The following RPE variants were observed in gnomAD, a reference collection of about 807,000 sequenced individuals.
The protein encoded by RPE is ribulose-phosphate 3-epimerase.
A neutral mutation model predicts 24.6 loss-of-function variants in RPE; 16 were observed. The observed-to-expected ratio is 0.65, with a 90% CI of 0.44 to 0.99. The LOEUF (loss-of-function observed/expected upper bound fraction) is 0.99. RPE is among the 50% of genes least tolerant of loss of function. RPE has a pLI of 0.00. For synonymous variants in RPE, 93 were observed against 98.4 expected (o/e 0.94, Z 0.33); for missense variants, 240 against 294.5 (o/e 0.81, Z 1.35).
At chr2:210,012,734 T>G (rs1028172521) in intron 2 of RPE, among the ~76,000 whole-genome samples, 2 of 152,248 alleles carry the variant, frequency 1.3e-5, no homozygotes, top group Admixed American at 6.5e-5. Context: ...GAAAGATACC[T>G]TGTCAGTTTT....
intron 1 of RPE, among the ~76,000 whole-genome samples, chr2:210,006,144 A>G (rs1326706846): frequency 1.3e-5 from 2 of 152,242 alleles, no homozygotes; most frequent in Admixed American, 1.3e-4. Flanking sequence ...GCAGAATAAG[A>G]TAATGATGAA....
intron 3 of RPE, 39 bp from the exon 4 acceptor site, chr2:210,016,468 A>C: frequency 6.2e-7 from 1 of 1,613,712 alleles, no homozygotes; most frequent in African/African-American, 1.3e-5. Flanking sequence ...ATACAGAAGT[A>C]ATTGTAAATG....
rs1031345404 is a variant in RPE, at chr2:210,003,368, A to G, written c.122+585A>G. 3.2e-5 allele frequency: 30 copies of G among 929,616 alleles called. No homozygotes were observed. The East Asian group carries it at 5.5e-4, about 17-fold the overall frequency. 57.6% of individuals were successfully genotyped at this position (929,616 alleles called of 1,614,324 possible). A position where few individuals can be genotyped will look rare whatever the true frequency, so the allele number is the denominator to read the frequency against. On this transcript the variant is annotated intron_variant, in intron 1 of 5. Transcript: ENST00000359429. ...GAGAAGTTTACAGTGCCTGGCGTAT[A>G]TTAAGTTCTCTATAATTGTTAATTA...
At chr2:210,016,217 C>G (rs1222154648) in intron 3 of RPE, 105 bp downstream of exon 3, 3 of 1,613,896 alleles carry the variant, frequency 1.9e-6, no homozygotes. Context: ...TGCTCTGTCA[C>G]CCAGGCTGAA....
chr2:210,011,831 ATTTT>A (rs56083964), intron 2 of RPE, among the ~76,000 whole-genome samples: 28 of 106,690 alleles, frequency 2.6e-4, no homozygotes, highest in Admixed American at 6.0e-4. Flanking sequence ...ACAACCGGCT[ATTTT>A]TTTTTTTTTT....
At chr2:210,010,846 A>C (rs1428272173) in intron 2 of RPE, among the ~76,000 whole-genome samples, 2 of 152,132 alleles carry the variant, frequency 1.3e-5, no homozygotes, top group Non-Finnish European at 2.9e-5. Flanking sequence ...TGAACCTGGG[A>C]GGTGGAGATT....
At chr2:210,012,183 T>C (rs150255975) in intron 2 of RPE, among the ~76,000 whole-genome samples, 41 of 152,348 alleles carry the variant, frequency 2.7e-4, no homozygotes, top group African/African-American at 9.9e-4. Flanking sequence ...GTTCCTGTTA[T>C]TGTCTAAATC....
At chr2:210,002,809 C>T (rs2093578535) in intron 1 of RPE, 26 bp downstream of exon 1, 1 of 1,614,126 alleles carries the variant, frequency 6.2e-7, no homozygotes, top group East Asian at 2.2e-5. Context: ...TCCGGTCGGG[C>T]TTGCCGCGCG....
Position 210,021,580 on chromosome 2 carries a change from T to C in RPE, c.*1789T>C, listed in dbSNP as rs1296130189. ...TACAGTAAAACTACAAGCAAAAGTT[T>C]GTCAGTATTGAATTGAATTTTTTAC... On this transcript the variant is annotated 3_prime_UTR_variant, in exon 6 of 6. Coordinates refer to ENST00000359429, the MANE Select transcript of RPE (RefSeq NM_199229.3). The C allele has an allele frequency of 6.6e-6, 1 of 152,568 alleles. No individual in the cohort carries two copies. Among genetic ancestry groups the C allele is most frequent in the Non-Finnish European group, 1.5e-5 (1 of 67,962 alleles). 9.5% of individuals were successfully genotyped at this position (152,568 alleles called of 1,614,324 possible).
intron 1 of RPE, among the ~76,000 whole-genome samples, chr2:210,007,240 A>G (rs993639555): frequency 6.6e-6 from 1 of 152,184 alleles, no homozygotes; most frequent in Non-Finnish European, 1.5e-5. Context: ...TTTGGTTTTT[A>G]TTAGCACTCA....
In RPE at chr2:210,009,656, G is replaced by A. The variant is rs2093675524; in HGVS notation, c.123-1G>A. Reference sequence around the variant, plus strand: ...CAGAGTAGATTTTGTTTGTCTTGTAGGCATTTTGTTCCCAACATCACCTTT... The same window carrying A: ...CAGAGTAGATTTTGTTTGTCTTGTAAGCATTTTGTTCCCAACATCACCTTT... On this transcript the variant is annotated splice_acceptor_variant, in intron 1 of 5. Coordinates refer to ENST00000359429, the MANE Select transcript of RPE (RefSeq NM_199229.3). LOFTEE classifies it high-confidence loss of function. The A allele has an allele frequency of 1.9e-6, 3 of 1,614,006 alleles. No individual in the cohort carries two copies. The East Asian group carries it at 6.7e-5, about 36-fold the overall frequency.
intron 5 of RPE, chr2:210,018,323 A>G: frequency 4.2e-6 from 6 of 1,429,836 alleles, no homozygotes; most frequent in Non-Finnish European, 5.5e-6. Context: ...AGAACTTGCT[A>G]GAACCATTTT....
At chr2:210,008,597 T>A (rs137876465) in intron 1 of RPE, among the ~76,000 whole-genome samples, 1 of 2,112 alleles carries the variant, frequency 4.7e-4, no homozygotes, top group Non-Finnish European at 0.5. Context: ...CCGGCCCCGG[T>A]TTTGTTAAAG....
At chr2:210,014,801 G>T (rs565835089) in intron 2 of RPE, among the ~76,000 whole-genome samples, 2 of 149,428 alleles carry the variant, frequency 1.3e-5, no homozygotes, top group African/African-American at 4.9e-5. Context: ...AATATAGCTT[G>T]GCTGTTTCAG....
At chr2:210,003,106 G>A (rs563105267) in intron 1 of RPE, among the ~76,000 whole-genome samples, 1 of 152,174 alleles carries the variant, frequency 6.6e-6, no homozygotes, top group Non-Finnish European at 1.5e-5. Context: ...TGAGGCCCAA[G>A]GGGAGAAGCA....
At chr2:210,009,589 T>A in intron 1 of RPE, 68 bp from the exon 2 acceptor site, 1 of 1,584,094 alleles carries the variant, frequency 6.3e-7, no homozygotes, top group Non-Finnish European at 8.7e-7. Context: ...TGTGTCAGAA[T>A]TCATATTGAG....
intron 1 of RPE, among the ~76,000 whole-genome samples, chr2:210,007,336 A>G (rs1056947569): frequency 1.3e-5 from 2 of 152,200 alleles, no homozygotes; most frequent in Admixed American, 6.5e-5. Context: ...AACAGATCCA[A>G]TCAGTTTTGC....
intron 2 of RPE, among the ~76,000 whole-genome samples, chr2:210,014,324 C>G (rs1415892936): frequency 6.6e-6 from 1 of 151,332 alleles, no homozygotes; most frequent in Non-Finnish European, 1.5e-5. Flanking sequence ...CTCCTGACCT[C>G]GTGATCCACC....
intron 2 of RPE, among the ~76,000 whole-genome samples, chr2:210,010,473 G>A (rs780036048): frequency 1.9e-4 from 29 of 151,314 alleles, no homozygotes; most frequent in Non-Finnish European, 4.1e-4. Context: ...CATGTTTCCC[G>A]GGCTAGTCTC....
Sources: gnomAD v4.1 joint callset for allele counts (sites outside exome capture counted in the v4.1 genomes callset) on GRCh38, gnomAD v4.1.1 for gene constraint, MANE v1.5 for transcripts, NCBI Gene and HGNC (gene_info 2026-07-23, HGNC 2026-07-21) for gene names.